The following NKAIN4 variants were observed in gnomAD, a reference collection of about 807,000 sequenced individuals.
NKAIN4 encodes sodium/potassium transporting ATPase interacting 4, also known as sodium/potassium-transporting ATPase subunit beta-1-interacting protein 4.
In NKAIN4, 28 loss-of-function variants were observed where a neutral mutation model predicts 28.8. The ratio of observed to expected loss-of-function variants is 0.97; its 90% CI spans 0.72 to 1.33. The LOEUF (loss-of-function observed/expected upper bound fraction) is 1.33. NKAIN4 is among the 40% of genes most tolerant of loss of function. NKAIN4 has a pLI of 0.00. For missense variants in NKAIN4, 289 were observed against 277.2 expected, an observed-to-expected ratio of 1.04 and a Z score of -0.30; for synonymous variants, 122 against 115.6, an observed-to-expected ratio of 1.06 and a Z score of -0.36.
At chr20:63,248,290 C>G (rs1472650027) in intron 3 of NKAIN4, 1 of 168,524 alleles carries the variant, frequency 5.9e-6, no homozygotes, top group African/African-American at 2.4e-5. Context: ...AAGCAAAGTG[C>G]CTGAAACAGC....
chr20:63,254,378 C>A lies in NKAIN4; in HGVS notation c.54+19G>T. ...GGCACCGGGGGCTCCAGGAGGCTCG[C>A]GGAGGGGTCGCCACTCACCAGCTGA... On this transcript the variant is annotated intron_variant, in intron 1 of 6. Transcript: ENST00000370316. The A allele has an allele frequency of 1.4e-6, 2 of 1,444,994 alleles. No homozygotes were observed. Among genetic ancestry groups the A allele is most frequent in the South Asian group, 1.3e-5 (1 of 74,720 alleles). The allele number at this position is 1,444,994 out of a possible 1,614,324, so 89.5% of individuals were successfully genotyped here. A position where few individuals can be genotyped will look rare whatever the true frequency, so the allele number is the denominator to read the frequency against.
At position 63,245,966 on chromosome 20, in the gene NKAIN4, CA is replaced by C. The variant is rs1235736064; in HGVS notation, c.471+1611del. ...TTTTTGAGACAGAGTCTCGCTCTGT[CA>C]CCCAGGCTGGAGTGCAGTGGCGTGA... On this transcript the variant is annotated intron_variant, in intron 4 of 6. Coordinates refer to ENST00000370316, the MANE Select transcript of NKAIN4 (RefSeq NM_152864.4). This position sits in a 1 kb window ranked among gnomAD's most constrained non-coding sequence, Gnocchi z 4.7. Among the ~76,000 whole-genome samples the C allele has an allele frequency of 2.0e-5, 3 of 150,284 alleles. No homozygotes were observed. The highest frequency in any genetic ancestry group is 4.4e-5 in the Non-Finnish European group (3 of 67,796).
At chr20:63,246,503 C>T (rs1425461470) in intron 4 of NKAIN4, 6 of 985,252 alleles carry the variant, frequency 6.1e-6, no homozygotes, top group Non-Finnish European at 7.2e-6. Flanking sequence ...GAAGGAGCCC[C>T]GGGAGCTCAC....
At chr20:63,247,841 C>G in intron 3 of NKAIN4, 66 bp from the exon 4 acceptor site, 4 of 1,408,578 alleles carry the variant, frequency 2.8e-6, no homozygotes, top group Non-Finnish European at 3.7e-6. Flanking sequence ...CCCACTGCAG[C>G]CTGCGGGGAC....
chr20:63,254,578 A>G (rs1466586877), upstream of NKAIN4: 3 of 627,290 alleles, frequency 4.8e-6, no homozygotes, highest in African/African-American at 4.0e-5. Context: ...CCTCCCCGCA[A>G]CCCCCGGCCC....
intron 2 of NKAIN4, 46 bp downstream of exon 2, chr20:63,249,889 C>A: frequency 6.4e-7 from 1 of 1,565,162 alleles, no homozygotes; most frequent in South Asian, 1.2e-5. Flanking sequence ...CCATCCTGGT[C>A]ACCTCAACCC....
rs1212010908 is a variant in NKAIN4 at position 63,247,369 on chromosome 20, G to A, written c.471+209C>T. On this transcript the variant is annotated intron_variant, in intron 4 of 6. Coordinates refer to ENST00000370316, the MANE Select transcript of NKAIN4 (RefSeq NM_152864.4). The stretch of plus-strand genomic sequence containing the variant: ...GCCTGGGTTGGCCCCGCCTGGGGGA[G>A]GTGGTTTGCAGAGGAGGCACTGAGG... 4 of 1,518,304 alleles carry A rather than the reference G, an allele frequency of 2.6e-6. No individual in the cohort carries two copies. In the African/African-American group the frequency reaches 4.1e-5, roughly 16 times the overall value. The allele number at this position is 1,518,304 out of a possible 1,614,324, so 94.1% of individuals were successfully genotyped here.
chr20:63,250,112 G>A, intron 1 of NKAIN4, 40 bp from the exon 2 acceptor site: 2 of 1,529,774 alleles, frequency 1.3e-6, no homozygotes, highest in South Asian at 2.5e-5. Context: ...GGACCCGAGG[G>A]AGGCCCCAGG....
chr20:63,254,199 C>T (rs1471812341), intron 1 of NKAIN4, 198 bp downstream of exon 1: 5 of 459,050 alleles, frequency 1.1e-5, no homozygotes, highest in African/African-American at 8.3e-5. Context: ...GGGACGGGAC[C>T]CGGCGCCGCG....
chr20:63,250,351 C>T (rs187206539), intron 1 of NKAIN4, among the ~76,000 whole-genome samples: 4 of 152,334 alleles, frequency 2.6e-5, no homozygotes, highest in South Asian at 4.2e-4. Flanking sequence ...CGTCTGTCCC[C>T]GGTGAGCGTT....
At chr20:63,246,079 C>T (rs916276367) in intron 4 of NKAIN4, among the ~76,000 whole-genome samples, 2 of 152,292 alleles carry the variant, frequency 1.3e-5, no homozygotes, top group South Asian at 2.1e-4. Flanking sequence ...AGGCGCCCGC[C>T]ACCACGCCCG....
At position 63,245,230 on chromosome 20, in the gene NKAIN4, G is replaced by A. The variant is rs997207704; in HGVS notation, c.472-1146C>T. On this transcript the variant is annotated intron_variant, in intron 4 of 6. Coordinates refer to ENST00000370316, the MANE Select transcript of NKAIN4 (RefSeq NM_152864.4). This position sits in a 1 kb window ranked among gnomAD's most constrained non-coding sequence, Gnocchi z 4.7. ...CAGGCAGACCTATCTCCTTGATATT[G>A]AGACAAGCTCAAGAAGCTGTCCCAA... is the stretch of plus-strand genomic sequence containing the variant. 1.3e-5 allele frequency among the ~76,000 whole-genome samples: 2 copies of A among 152,108 alleles called. No homozygotes were observed. Among genetic ancestry groups the A allele is most frequent in the African/African-American group, 4.8e-5 (2 of 41,412 alleles).
At chr20:63,247,367 G>T in intron 4 of NKAIN4, 1 of 1,517,456 alleles carries the variant, frequency 6.6e-7, no homozygotes. Context: ...CCGCCTGGGG[G>T]AGGTGGTTTG....
At chr20:63,242,726 G>A in intron 5 of NKAIN4, 103 bp from the exon 6 acceptor site, 1 of 873,342 alleles carries the variant, frequency 1.1e-6, no homozygotes, top group East Asian at 2.5e-5. Flanking sequence ...GGGGTCCCTG[G>A]GGGCACAGAC....
chr20:63,254,131 G>C, intron 1 of NKAIN4: 1 of 450,314 alleles, frequency 2.2e-6, no homozygotes. Context: ...TCCAGCCGCT[G>C]CCCCGCACCT....
chr20:63,249,759 C>T (rs1011967228), intron 2 of NKAIN4, among the ~76,000 whole-genome samples, 176 bp downstream of exon 2: 8 of 152,272 alleles, frequency 5.3e-5, no homozygotes, highest in African/African-American at 1.4e-4. Flanking sequence ...CCCCTCCGTC[C>T]GAACCAGAAT....
At chr20:63,242,889 T>TG (rs1286673867) in intron 5 of NKAIN4, among the ~76,000 whole-genome samples, 1 of 35,686 alleles carries the variant, frequency 2.8e-5, no homozygotes, top group African/African-American at 1.2e-4. Flanking sequence ...GGACATGGCC[T>TG]GGGGGGACGG....
In NKAIN4 at chr20:63,250,491, G is replaced by C. The variant is rs557995901; in HGVS notation, c.55-419C>G. 2.0e-5 allele frequency among the ~76,000 whole-genome samples: 3 copies of C among 152,204 alleles called. No homozygotes were observed. In the East Asian group the frequency reaches 5.8e-4, roughly 29 times the overall value. Reference sequence around the variant, plus strand: ...ACACACAGCCCAGAAAACGCCACTCGGGGGGGTCGGATGGCCGGGAGGGAC... The same window carrying C: ...ACACACAGCCCAGAAAACGCCACTCCGGGGGGTCGGATGGCCGGGAGGGAC... On this transcript the variant is annotated intron_variant, in intron 1 of 6. Transcript: ENST00000370316.
At chr20:63,247,443 G>T in intron 4 of NKAIN4, 135 bp downstream of exon 4, 1 of 1,544,376 alleles carries the variant, frequency 6.5e-7, no homozygotes, top group Non-Finnish European at 8.7e-7. Context: ...CTCCAGCAAG[G>T]GTGGGGGATG....
Sources: gnomAD v4.1 joint callset for allele counts (sites outside exome capture counted in the v4.1 genomes callset) on GRCh38, gnomAD v4.1.1 for gene constraint, Gnocchi (gnomAD v3.1) non-coding constraint, MANE v1.5 for transcripts, NCBI Gene and HGNC (gene_info 2026-07-23, HGNC 2026-07-21) for gene names.